The following LACTB2 variants were observed in gnomAD, a reference collection of about 807,000 sequenced individuals.
LACTB2 encodes the protein lactamase beta 2.
LACTB2 carries 32 observed loss-of-function variants against 34.8 expected under a neutral mutation model. That is an observed-to-expected ratio of 0.92 (90% confidence interval 0.69 to 1.24). The LOEUF is 1.24. LACTB2 is among the 50% of genes most tolerant of loss of function. The pLI is 0.00. For synonymous variants in LACTB2, 120 were observed against 117.5 expected (o/e 1.02, Z -0.14); for missense variants, 320 against 345.0 (o/e 0.93, Z 0.57).
chr8:70,657,149 G>C (rs1818420818), intron 3 of LACTB2, among the ~76,000 whole-genome samples: 1 of 152,140 alleles, frequency 6.6e-6, no homozygotes, highest in South Asian at 2.1e-4. Flanking sequence ...GTCATCTTTG[G>C]GAAGTGAGAA....
intron 3 of LACTB2, chr8:70,653,933 C>G (rs1338106978): frequency 1.3e-5 from 2 of 152,082 alleles, no homozygotes; most frequent in African/African-American, 2.4e-5. Context: ...TAACTGGGAA[C>G]CTTTTTGGGA....
chr8:70,668,889 A>G, intron 1 of LACTB2, 110 bp downstream of exon 1: 1 of 1,445,480 alleles, frequency 6.9e-7, no homozygotes, highest in Non-Finnish European at 9.3e-7. Flanking sequence ...GGGGCTGCCC[A>G]GCTAGGGACA....
At position 70,644,166 on chromosome 8, in the gene LACTB2, T is replaced by A; in HGVS notation, c.491A>T (p.Asp164Val). ...CGTTGTTCCTTCCCCTAGGATGCAA[T>A]CTCCAGAAAAGATAGCATTTTCCTC... is the stretch of plus-strand genomic sequence containing the variant. ...LEEENAIFSG[D>V]CILGEGTTVF... The change falls in exon 4 of 7, where the codon GAT (aspartate) becomes GTT (valine). Residue 164 changes from aspartate (D) to valine (V), a missense_variant. Asp to Val is a radical substitution (Grantham distance 152, BLOSUM62 -3). Transcript: ENST00000276590. The A allele has an allele frequency of 6.2e-7, 1 of 1,613,114 alleles. No homozygotes were observed. Among genetic ancestry groups the A allele is most frequent in the Non-Finnish European group, 8.5e-7 (1 of 1,179,460 alleles).
intron 3 of LACTB2, among the ~76,000 whole-genome samples, chr8:70,650,661 C>T (rs1362712379): frequency 3.9e-5 from 5 of 129,810 alleles, no homozygotes; most frequent in Non-Finnish European, 4.7e-5. Context: ...ACCCAGGAGG[C>T]GGAGGTTGCA....
At chr8:70,649,719 C>T (rs988059602) in intron 3 of LACTB2, among the ~76,000 whole-genome samples, 5 of 152,070 alleles carry the variant, frequency 3.3e-5, no homozygotes, top group South Asian at 2.1e-4. Context: ...TCAAATAGTC[C>T]GCTAAGATTT....
intron 3 of LACTB2, among the ~76,000 whole-genome samples, chr8:70,654,419 C>T (rs910222240): frequency 2.0e-5 from 3 of 151,182 alleles, no homozygotes; most frequent in Non-Finnish European, 4.4e-5. Flanking sequence ...CAGCGAGAGT[C>T]ATTAAAGATT....
chr8:70,644,968 C>T (rs1043712699), intron 3 of LACTB2, among the ~76,000 whole-genome samples: 1 of 151,976 alleles, frequency 6.6e-6, no homozygotes, highest in Non-Finnish European at 1.5e-5. Flanking sequence ...AAAAACAAAA[C>T]TGATATTGTT....
chr8:70,642,472 G>A (rs893011438), intron 4 of LACTB2, among the ~76,000 whole-genome samples: 2 of 151,314 alleles, frequency 1.3e-5, no homozygotes, highest in African/African-American at 4.9e-5. Flanking sequence ...TTTCCTTTTG[G>A]GCCTTTTTAT....
chr8:70,661,378 G>A, intron 2 of LACTB2: 2 of 286,102 alleles, frequency 7.0e-6, no homozygotes, highest in South Asian at 6.9e-5. Flanking sequence ...CAGAAGGACT[G>A]AGATAATCTG....
intron 3 of LACTB2, among the ~76,000 whole-genome samples, chr8:70,649,310 A>T (rs1368379382): frequency 1.3e-5 from 2 of 152,208 alleles, no homozygotes; most frequent in African/African-American, 4.8e-5. Flanking sequence ...ACAAGCCGAC[A>T]GGAGCAAGTT....
chr8:70,645,825 C>T (rs1818257478), intron 3 of LACTB2, among the ~76,000 whole-genome samples: 1 of 151,984 alleles, frequency 6.6e-6, no homozygotes, highest in African/African-American at 2.4e-5. Context: ...GACATGAACT[C>T]ATCATTTTTT....
chr8:70,651,518 C>G (rs1250150025), intron 3 of LACTB2, among the ~76,000 whole-genome samples: 1 of 151,594 alleles, frequency 6.6e-6, no homozygotes, highest in Non-Finnish European at 1.5e-5. Context: ...AAACAGAACC[C>G]CAATCTTTCT....
chr8:70,638,338 A>G (rs930266692), intron 6 of LACTB2, among the ~76,000 whole-genome samples: 4 of 152,108 alleles, frequency 2.6e-5, no homozygotes, highest in African/African-American at 7.2e-5. Flanking sequence ...TGGAATTCCA[A>G]CTGAGATTCT....
chr8:70,645,713 C>T (rs113323016), intron 3 of LACTB2, among the ~76,000 whole-genome samples: 15,732 of 146,414 alleles, frequency 0.11, 923 homozygotes, highest in Middle Eastern at 0.15. Context: ...TCTCACTGTT[C>T]AATTCCCACC....
intron 1 of LACTB2, among the ~76,000 whole-genome samples, chr8:70,667,402 C>T (rs1448283388): frequency 6.6e-6 from 1 of 152,116 alleles, no homozygotes; most frequent in Non-Finnish European, 1.5e-5. Flanking sequence ...TACTTTACAC[C>T]TTTTACTTTA....
intron 3 of LACTB2, 34 bp from the exon 4 acceptor site, chr8:70,644,277 T>C: frequency 2.1e-6 from 3 of 1,417,384 alleles, no homozygotes; most frequent in Non-Finnish European, 2.8e-6. Flanking sequence ...ATAATAACAA[T>C]TATGAACTCG....
rs576833407 is a variant in LACTB2 at position 70,643,681 on chromosome 8, A to AT, written c.592+383dup. On this transcript the variant is annotated intron_variant, in intron 4 of 6. Transcript: ENST00000276590. ...AAGTGTGCGCCACCACACTCAGCTA[A>AT]TTTTTTTATTTTTAGTAGAGATGGG... is the stretch of plus-strand genomic sequence containing the variant. 5.3e-5 allele frequency among the ~76,000 whole-genome samples: 8 copies of AT among 151,338 alleles called. 1 individual carries two copies. Among genetic ancestry groups the AT allele is most frequent in the Admixed American group, 5.3e-4 (8 of 15,194 alleles).
At chr8:70,647,292 G>A (rs933235057) in intron 3 of LACTB2, among the ~76,000 whole-genome samples, 11 of 149,124 alleles carry the variant, frequency 7.4e-5, no homozygotes, top group East Asian at 2.0e-4. Context: ...TCGCTCTGTC[G>A]CCCAGGCTGG....
chr8:70,660,568 T>G (rs1466893240), intron 2 of LACTB2: 5 of 455,746 alleles, frequency 1.1e-5, no homozygotes, highest in Admixed American at 9.4e-5. Flanking sequence ...ATGAATGTTC[T>G]TGACCTCCTT....
Sources: allele counts gnomAD v4.1 joint callset (sites outside exome capture counted in the v4.1 genomes callset), GRCh38; gene constraint gnomAD v4.1.1; transcripts MANE v1.5; gene names NCBI Gene and HGNC (gene_info 2026-07-23, HGNC 2026-07-21).